The following RPS6KC1 variants were observed in gnomAD, a reference collection of about 807,000 sequenced individuals.
The protein encoded by RPS6KC1 is ribosomal protein S6 kinase C1, also known as inactive ribosomal protein S6 kinase delta-1.
A neutral mutation model predicts 103.8 loss-of-function variants in RPS6KC1; 54 were observed. That is an observed-to-expected ratio of 0.52 (90% confidence interval 0.42 to 0.65). RPS6KC1 has a LOEUF of 0.65. RPS6KC1 is among the 30% of genes least tolerant of loss of function. RPS6KC1 has a pLI of 0.00. For synonymous variants in RPS6KC1, 439 were observed against 438.7 expected, an observed-to-expected ratio of 1.00 and a Z score of -0.01; for missense variants, 1,151 against 1,253.8, an observed-to-expected ratio of 0.92 and a Z score of 1.24.
the RPS6KC1 span, among the ~76,000 whole-genome samples, chr1:213,394,426 AC>A: frequency 1.3e-5 from 2 of 150,976 alleles, no homozygotes; most frequent in Non-Finnish European, 3.0e-5. Context: ...CACCCCTCAC[AC>A]CCCCCTACCC....
the RPS6KC1 span, among the ~76,000 whole-genome samples, chr1:213,718,774 G>A: frequency 6.6e-6 from 1 of 152,186 alleles, no homozygotes; most frequent in Admixed American, 6.5e-5. Flanking sequence ...GTGCTTCTCT[G>A]ATTTGCACTT....
At chr1:213,542,216 G>A in the RPS6KC1 span, among the ~76,000 whole-genome samples, 1 of 152,188 alleles carries the variant, frequency 6.6e-6, no homozygotes, top group Non-Finnish European at 1.5e-5. Flanking sequence ...GCTGAGCCCT[G>A]ACTCAGCCCC....
chr1:213,129,674 T>C lies in RPS6KC1; in HGVS notation c.620T>C (p.Val207Ala), dbSNP rs878931355. ...TCGGATTCTTCAGCACTAGGGGCTG[T>C]TGCTTCTGACAGTGAACAGAGCAAA... ...LSSDSSALGA[V>A]ASDSEQSKTE... Residue 207 changes from valine to alanine, a missense_variant, in exon 6 of 15, where the codon GTT becomes GCT. Around this residue, in one of 3 missense-constraint regions of RPS6KC1, gnomAD observed 959 missense variants for 1,006.3 expected, o/e 0.95. Coordinates refer to ENST00000366960, the MANE Select transcript of RPS6KC1 (RefSeq NM_012424.6). The C allele has an allele frequency of 3.1e-6, 5 of 1,614,038 alleles. No individual in the cohort carries two copies. The South Asian group carries it at 4.4e-5, about 14-fold the overall frequency.
At chr1:213,115,418 A>T (rs934732973) in intron 4 of RPS6KC1, among the ~76,000 whole-genome samples, 3 of 151,660 alleles carry the variant, frequency 2.0e-5, no homozygotes, top group Non-Finnish European at 4.4e-5. Flanking sequence ...ATCATTTTTT[A>T]TTGCGTCTAT....
At chr1:213,134,869 G>C (rs2086094111) in intron 6 of RPS6KC1, among the ~76,000 whole-genome samples, 2 of 152,082 alleles carry the variant, frequency 1.3e-5, no homozygotes, top group Non-Finnish European at 2.9e-5. Flanking sequence ...ATAATTCTGA[G>C]AATAGAGGTA....
the RPS6KC1 span, among the ~76,000 whole-genome samples, chr1:213,560,820 T>C: frequency 6.6e-6 from 1 of 152,134 alleles, no homozygotes; most frequent in Non-Finnish European, 1.5e-5. Context: ...TGTGTCACAG[T>C]TGGGGGAATC....
At chr1:213,252,913 A>G (rs1304320255) in intron 12 of RPS6KC1, among the ~76,000 whole-genome samples, 1 of 152,160 alleles carries the variant, frequency 6.6e-6, no homozygotes, top group Admixed American at 6.5e-5. Context: ...TATTTTGAGT[A>G]TTACATAAAC....
At chr1:213,555,420 A>G in the RPS6KC1 span, among the ~76,000 whole-genome samples, 2 of 152,244 alleles carry the variant, frequency 1.3e-5, no homozygotes, top group South Asian at 4.2e-4. Flanking sequence ...CAGCTCTGGG[A>G]AGTTCTGGGG....
At chr1:213,308,263 G>A in the RPS6KC1 span, among the ~76,000 whole-genome samples, 14 of 147,964 alleles carry the variant, frequency 9.5e-5, no homozygotes, top group Non-Finnish European at 1.8e-4. Context: ...GCAGTGAGCC[G>A]AGATCATGCC....
At chr1:213,681,066 G>A in the RPS6KC1 span, among the ~76,000 whole-genome samples, 2 of 152,196 alleles carry the variant, frequency 1.3e-5, no homozygotes, top group Non-Finnish European at 2.9e-5. Flanking sequence ...AGACTCTGAC[G>A]CTGTAACACC....
At chr1:213,673,836 CATTTCA>C in the RPS6KC1 span, among the ~76,000 whole-genome samples, 1 of 151,868 alleles carries the variant, frequency 6.6e-6, no homozygotes, top group Non-Finnish European at 1.5e-5. Flanking sequence ...CTTTTTTAGT[CATTTCA>C]ATTTGTCTTT....
chr1:213,670,119 G>T, the RPS6KC1 span, among the ~76,000 whole-genome samples: 1 of 152,218 alleles, frequency 6.6e-6, no homozygotes, highest in Non-Finnish European at 1.5e-5. Context: ...CCTACAGGGG[G>T]CATTGAAGGC....
the RPS6KC1 span, among the ~76,000 whole-genome samples, chr1:213,521,224 A>G: frequency 1.6e-4 from 24 of 152,234 alleles, no homozygotes; most frequent in African/African-American, 5.5e-4. Context: ...AAATTACCAC[A>G]ATAAAGCAAG....
At chr1:213,086,188 G>A (rs2080377995) in intron 3 of RPS6KC1, among the ~76,000 whole-genome samples, 1 of 152,186 alleles carries the variant, frequency 6.6e-6, no homozygotes, top group South Asian at 2.1e-4. Flanking sequence ...GGACACTGTA[G>A]GAAGTAGGGT....
At chr1:213,260,176 TAGG>T (rs906934439) in intron 12 of RPS6KC1, among the ~76,000 whole-genome samples, 1 of 152,226 alleles carries the variant, frequency 6.6e-6, no homozygotes, top group African/African-American at 2.4e-5. Flanking sequence ...CTAAGAACGT[TAGG>T]AGACTTCGAG....
chr1:213,608,319 T>G, the RPS6KC1 span, among the ~76,000 whole-genome samples: 2 of 152,194 alleles, frequency 1.3e-5, no homozygotes, highest in Non-Finnish European at 2.9e-5. Flanking sequence ...TGGGTCTGTT[T>G]GGCTCTTTTA....
Position 213,159,648 on chromosome 1 carries a change from G to A in RPS6KC1, c.836-8210G>A, listed in dbSNP as rs538196677. Among the ~76,000 whole-genome samples, 14 of 152,292 alleles carry A rather than the reference G, an allele frequency of 9.2e-5. 1 individual carries two copies. In the South Asian group the frequency reaches 2.9e-3, roughly 32 times the overall value. ...AAAATAATTACAGGAAAGTCATATGGAAAATAAACTAAGTGGGTGGTTTCT... is the reference window on the plus strand; with the variant it reads ...AAAATAATTACAGGAAAGTCATATGAAAAATAAACTAAGTGGGTGGTTTCT... On this transcript the variant is annotated intron_variant, in intron 6 of 14. Coordinates refer to ENST00000366960, the MANE Select transcript of RPS6KC1 (RefSeq NM_012424.6).
chr1:213,834,725 CA>C, the RPS6KC1 span, among the ~76,000 whole-genome samples: 17 of 152,070 alleles, frequency 1.1e-4, no homozygotes, highest in African/African-American at 3.6e-4. Context: ...CACACACACA[CA>C]CACCCCAAAA....
downstream of RPS6KC1, among the ~76,000 whole-genome samples, chr1:213,279,514 G>C (rs537018501): frequency 6.6e-6 from 1 of 152,010 alleles, no homozygotes; most frequent in South Asian, 2.1e-4. Flanking sequence ...AAAACCCCTG[G>C]GTCCTAACTC....
Sources: gnomAD v4.1 joint callset for allele counts (sites outside exome capture counted in the v4.1 genomes callset) on GRCh38, gnomAD v4.1.1 for gene constraint, gnomAD v4.1.1 regional missense constraint, MANE v1.5 for transcripts, NCBI Gene and HGNC (gene_info 2026-07-23, HGNC 2026-07-21) for gene names.